CRTAP: variants seen among roughly 807,000 people sequenced by gnomAD.
CRTAP encodes the protein cartilage associated protein.
Under a neutral mutation model 42.7 loss-of-function variants are expected in CRTAP, and 33 were observed. The observed-to-expected ratio is 0.77, with a 90% confidence interval of 0.59 to 1.03. The LOEUF is 1.03. Among genes scored for constraint, CRTAP ranks in the 50% least tolerant of loss-of-function variants. The probability of loss-of-function intolerance (pLI) is 0.00; values close to 1 mark genes in which losing one functional copy is unlikely to be tolerated. For missense variants in CRTAP, 613 were observed against 533.9 expected, an observed-to-expected ratio of 1.15 and a Z score of -1.46; for synonymous variants, 243 against 217.7, an observed-to-expected ratio of 1.12 and a Z score of -1.02.
intron 3 of CRTAP, among the ~76,000 whole-genome samples, chr3:33,127,575 G>A (rs1371072199): frequency 6.6e-6 from 1 of 151,784 alleles, no homozygotes; most frequent in Non-Finnish European, 1.5e-5. Context: ...AGCCTCCCGA[G>A]TAGCTGGGAT....
intron 6 of CRTAP, among the ~76,000 whole-genome samples, chr3:33,141,551 C>G (rs901369392): frequency 6.6e-6 from 1 of 152,204 alleles, no homozygotes; most frequent in Admixed American, 6.5e-5. Flanking sequence ...AGCCAACAGG[C>G]TCTTGGCCTG....
chr3:33,115,576 G>A (rs1701333355), intron 1 of CRTAP, among the ~76,000 whole-genome samples: 1 of 151,978 alleles, frequency 6.6e-6, no homozygotes. Context: ...TCCTCACAGG[G>A]TTTGGCTAAA....
At chr3:33,121,786 C>G (rs965146725) in intron 2 of CRTAP, among the ~76,000 whole-genome samples, 3 of 152,102 alleles carry the variant, frequency 2.0e-5, no homozygotes, top group South Asian at 2.1e-4. Context: ...GGTAAAGTCT[C>G]TAGAATAAAC....
At chr3:33,129,828 C>A in intron 3 of CRTAP, 111 bp from the exon 4 acceptor site, 1 of 1,101,132 alleles carries the variant, frequency 9.1e-7, no homozygotes, top group Non-Finnish European at 1.4e-6. Context: ...TGAGCCACCG[C>A]GCCCGGCCTG....
intron 4 of CRTAP, among the ~76,000 whole-genome samples, chr3:33,130,480 G>C (rs150455842): frequency 2.8e-5 from 4 of 140,436 alleles, no homozygotes; most frequent in African/African-American, 1.1e-4. Flanking sequence ...TTTTCAGACT[G>C]TTAGAGTTTA....
chr3:33,122,679 G>T (rs57190729), intron 2 of CRTAP, among the ~76,000 whole-genome samples: 1 of 145,288 alleles, frequency 6.9e-6, no homozygotes, highest in Non-Finnish European at 1.5e-5. Flanking sequence ...CACTGCATTC[G>T]AGCCTGGGCA....
At chr3:33,127,930 T>C (rs2030127975) in intron 3 of CRTAP, among the ~76,000 whole-genome samples, 1 of 151,944 alleles carries the variant, frequency 6.6e-6, no homozygotes, top group Admixed American at 6.6e-5. Flanking sequence ...GTATTTTTAG[T>C]AGAGACAGCG....
In CRTAP at chr3:33,132,646, C is replaced by T; in HGVS notation, c.1014C>T (p.Tyr338=). ...TCATGCAGCAGAACCTGGTGTATTA[C>T]CAGTACCACAGGGACACTTGGGGCC... ...DKVMQQNLVY[Y]QYHRDTWGLS... is the part of the protein sequence containing the mutation. The change falls in exon 5 of 7, where the codon TAC becomes TAT. Residue 338 remains tyrosine, a synonymous_variant. Transcript: ENST00000320954. 6.2e-7 allele frequency: 1 copy of T among 1,614,092 alleles called. No individual in the cohort carries two copies.
chr3:33,136,806 A>T (rs1457982863), intron 6 of CRTAP, among the ~76,000 whole-genome samples: 2 of 152,192 alleles, frequency 1.3e-5, no homozygotes, highest in Non-Finnish European at 2.9e-5. Flanking sequence ...TTTTTGAGGC[A>T]TCCGCCCACC....
At chr3:33,123,963 T>C (rs928035688) in intron 2 of CRTAP, among the ~76,000 whole-genome samples, 2 of 152,218 alleles carry the variant, frequency 1.3e-5, no homozygotes, top group Non-Finnish European at 2.9e-5. Context: ...ACAATATATT[T>C]ATCAATTTTA....
At position 33,130,023 on chromosome 3, in the gene CRTAP, T is replaced by C. The variant is rs2030204990; in HGVS notation, c.878T>C (p.Phe293Ser). ...ATAGGAGGCTATCCGGTTGAGAAAT[T>C]TGTGGCTACCATGTATCATTACTTG... Reference protein sequence around the residue: ...PVIGGYPVEKFVATMYHYLQF... With the variant: ...PVIGGYPVEKSVATMYHYLQF... Residue 293 changes from phenylalanine (F) to serine (S), a missense_variant, in exon 4 of 7, where the codon TTT becomes TCT. Phe to Ser is a radical substitution (Grantham distance 155, BLOSUM62 -2). Transcript: ENST00000320954. 1.9e-6 allele frequency: 3 copies of C among 1,613,774 alleles called. No homozygotes were observed. The highest frequency in any genetic ancestry group is 1.1e-5 in the South Asian group (1 of 91,086).
At chr3:33,114,832 T>TA (rs1273598661) in intron 1 of CRTAP, among the ~76,000 whole-genome samples, 2 of 152,264 alleles carry the variant, frequency 1.3e-5, no homozygotes, top group Non-Finnish European at 2.9e-5. Flanking sequence ...TGTTCTCTGT[T>TA]ATTTGAGGGC....
At chr3:33,141,915 T>C (rs2125607505) in intron 6 of CRTAP, among the ~76,000 whole-genome samples, 1 of 152,298 alleles carries the variant, frequency 6.6e-6, no homozygotes, top group East Asian at 1.9e-4. Context: ...ATGCAAGCAC[T>C]CAATCATTCA....
At chr3:33,130,525 C>CTTTTTTTTTTTTTTTT (rs765558103) in intron 4 of CRTAP, among the ~76,000 whole-genome samples, 15 of 55,266 alleles carry the variant, frequency 2.7e-4, no homozygotes, top group East Asian at 1.3e-3. Context: ...CTTTTCTTTT[C>CTTTTTTTTTTTTTTTT]TTTTTTTTTT....
At chr3:33,118,936 A>G (rs1701379978) in intron 1 of CRTAP, among the ~76,000 whole-genome samples, 1 of 152,182 alleles carries the variant, frequency 6.6e-6, no homozygotes, top group South Asian at 2.1e-4. Context: ...GCTCTCACAG[A>G]TCCCAAGGGA....
At chr3:33,129,117 T>C (rs1559434975) in intron 3 of CRTAP, among the ~76,000 whole-genome samples, 1 of 152,228 alleles carries the variant, frequency 6.6e-6, no homozygotes, top group Non-Finnish European at 1.5e-5. Flanking sequence ...ATAAACAGTG[T>C]TTATGTATGC....
In CRTAP at chr3:33,114,185, C is replaced by G; in HGVS notation, c.108C>G (p.Phe36Leu). The G allele has an allele frequency of 1.3e-6, 2 of 1,592,982 alleles. No homozygotes were observed. The highest frequency in any genetic ancestry group is 8.5e-7 in the Non-Finnish European group (1 of 1,176,334). ...ACGAACGCTACAGCTTCCGCAGCTTCCCACGGGACGAGCTGATGCCGCTCG... is the reference window on the plus strand; with the variant it reads ...ACGAACGCTACAGCTTCCGCAGCTTGCCACGGGACGAGCTGATGCCGCTCG... ...AQYERYSFRS[F>L]PRDELMPLES... is the part of the protein sequence containing the mutation. Residue 36 changes from phenylalanine (F) to leucine (L), a missense_variant, in exon 1 of 7, where the codon TTC becomes TTG. Physicochemically the swap from Phe to Leu is conservative, Grantham distance 22 (BLOSUM62 0). Transcript: ENST00000320954.
At chr3:33,132,880 C>A (rs1052961819) in intron 5 of CRTAP, among the ~76,000 whole-genome samples, 180 bp downstream of exon 5, 5 of 152,072 alleles carry the variant, frequency 3.3e-5, no homozygotes, top group African/African-American at 1.2e-4. Flanking sequence ...GAGTTCGAGA[C>A]CAGCCTGGCC....
At chr3:33,123,676 C>A (rs1460727828) in intron 2 of CRTAP, among the ~76,000 whole-genome samples, 1 of 137,668 alleles carries the variant, frequency 7.3e-6, no homozygotes, top group Non-Finnish European at 1.5e-5. Flanking sequence ...GTCACCCAGG[C>A]TGGAGTACAG....
Sources: allele counts gnomAD v4.1 joint callset (sites outside exome capture counted in the v4.1 genomes callset), GRCh38; gene constraint gnomAD v4.1.1; transcripts MANE v1.5; gene names NCBI Gene and HGNC (gene_info 2026-07-23, HGNC 2026-07-21).